The following CTNNA3 variants were observed in gnomAD, a reference collection of about 807,000 sequenced individuals.
CTNNA3 encodes the protein catenin alpha-3.
In CTNNA3, 76 loss-of-function variants were observed where a neutral mutation model predicts 95.7. That is an observed-to-expected ratio of 0.79 (90% CI 0.66 to 0.96). The LOEUF (loss-of-function observed/expected upper bound fraction) is 0.96. Ranked by LOEUF, CTNNA3 falls within the 40% of genes least tolerant of loss-of-function variation. The pLI is 0.00. For synonymous variants in CTNNA3, 431 were observed against 374.4 expected (o/e 1.15, Z -1.74); for missense variants, 1,191 against 1,089.8 (o/e 1.09, Z -1.31).
intron 11 of CTNNA3, among the ~76,000 whole-genome samples, chr10:66,396,772 G>A (rs2092981270): frequency 6.6e-6 from 1 of 151,782 alleles, no homozygotes; most frequent in Non-Finnish European, 1.5e-5. Context: ...TAATAAAGAA[G>A]ATGCTTTTCT....
chr10:66,057,462 A>C (rs2080109896), intron 15 of CTNNA3, among the ~76,000 whole-genome samples: 1 of 152,206 alleles, frequency 6.6e-6, no homozygotes, highest in African/African-American at 2.4e-5. Flanking sequence ...CTAAGATCTT[A>C]TTTAAGCTGA....
intron 9 of CTNNA3, among the ~76,000 whole-genome samples, chr10:66,735,732 T>C (rs1357760510): frequency 6.6e-6 from 1 of 152,300 alleles, no homozygotes; most frequent in East Asian, 1.9e-4. Flanking sequence ...ACTTTTTTAA[T>C]TGAAGAGGAT....
chr10:66,294,384 C>G (rs1392620082), intron 12 of CTNNA3, among the ~76,000 whole-genome samples: 1 of 152,074 alleles, frequency 6.6e-6, no homozygotes, highest in Non-Finnish European at 1.5e-5. Flanking sequence ...TGTGAGTTCC[C>G]ACACTCAATC....
chr10:66,437,327 A>G (rs1052141837), intron 11 of CTNNA3, among the ~76,000 whole-genome samples: 3 of 152,142 alleles, frequency 2.0e-5, no homozygotes, highest in African/African-American at 7.2e-5. Flanking sequence ...AGGTACACCA[A>G]TCAAAAAAGT....
At chr10:66,092,309 C>A (rs764224186) in intron 14 of CTNNA3, among the ~76,000 whole-genome samples, 1 of 151,934 alleles carries the variant, frequency 6.6e-6, no homozygotes, top group South Asian at 2.1e-4. Flanking sequence ...ATTTTCAACA[C>A]AGCATTCAGA....
At chr10:67,378,919 G>A (rs1486265504) in intron 5 of CTNNA3, among the ~76,000 whole-genome samples, 6 of 152,118 alleles carry the variant, frequency 3.9e-5, no homozygotes, top group African/African-American at 1.4e-4. Context: ...GAACAATTAT[G>A]AGATACATGT....
chr10:66,086,667 A>T (rs1319474815), intron 14 of CTNNA3, among the ~76,000 whole-genome samples: 1 of 152,036 alleles, frequency 6.6e-6, no homozygotes, highest in Non-Finnish European at 1.5e-5. Context: ...TTTAACCTCA[A>T]AATTAGGAAG....
intron 13 of CTNNA3, among the ~76,000 whole-genome samples, chr10:66,135,750 G>T (rs1369180510): frequency 6.6e-6 from 1 of 152,162 alleles, no homozygotes; most frequent in Non-Finnish European, 1.5e-5. Context: ...CCTTTACTAA[G>T]TAAAACCTAT....
At chr10:67,564,683 A>G (rs1174819455) in intron 3 of CTNNA3, among the ~76,000 whole-genome samples, 1,181 of 62,496 alleles carry the variant, frequency 0.019, 10 homozygotes, top group East Asian at 0.055. Context: ...GTGTGTATAT[A>G]TATATATATA....
At chr10:66,806,183 T>G (rs1213583256) in intron 7 of CTNNA3, among the ~76,000 whole-genome samples, 1 of 151,862 alleles carries the variant, frequency 6.6e-6, no homozygotes, top group Non-Finnish European at 1.5e-5. Flanking sequence ...TTAAAAAGCA[T>G]TAAATACTGA....
At chr10:66,437,352 T>A (rs140655592) in intron 11 of CTNNA3, among the ~76,000 whole-genome samples, 1,678 of 152,318 alleles carry the variant, frequency 0.011, 19 homozygotes, top group Non-Finnish European at 0.017. Flanking sequence ...TCTTTTCACA[T>A]AGTCTCATAT....
rs577827228 is a variant in CTNNA3 at position 67,214,764 on chromosome 10, A to G, written c.843+4843T>C. Among the ~76,000 whole-genome samples the G allele has an allele frequency of 3.2e-4, 48 of 152,134 alleles. No homozygotes were observed. The South Asian group carries it at 3.3e-3, about 11-fold the overall frequency. On this transcript the variant is annotated intron_variant, in intron 6 of 17. Transcript: ENST00000433211. ...TTATTTTCTCTGAGAATGATTTACT[A>G]TCTTGTAACATTCATGTTTAAGAAC...
chr10:67,758,958 G>T (rs1219857602), intron 1 of CTNNA3, among the ~76,000 whole-genome samples: 1 of 152,088 alleles, frequency 6.6e-6, no homozygotes, highest in East Asian at 1.9e-4. Context: ...TTAAGAGACT[G>T]CTTAGGTAGG....
intron 10 of CTNNA3, among the ~76,000 whole-genome samples, chr10:66,596,664 G>A (rs995173132): frequency 2.0e-5 from 3 of 152,026 alleles, no homozygotes; most frequent in South Asian, 2.1e-4. Flanking sequence ...AATCTCCAAC[G>A]GGGCTGACTG....
At chr10:67,459,604 T>G (rs1394701020) in intron 5 of CTNNA3, among the ~76,000 whole-genome samples, 1 of 152,226 alleles carries the variant, frequency 6.6e-6, no homozygotes, top group Non-Finnish European at 1.5e-5. Context: ...CATGACTGTC[T>G]GTGACATGTC....
At chr10:66,230,996 T>C (rs2089559021) in intron 13 of CTNNA3, among the ~76,000 whole-genome samples, 1 of 152,046 alleles carries the variant, frequency 6.6e-6, no homozygotes, top group Admixed American at 6.5e-5. Flanking sequence ...CAGGGAAGAA[T>C]AAACTCAGGT....
At chr10:67,203,638 AC>A (rs1250473679) in intron 6 of CTNNA3, among the ~76,000 whole-genome samples, 3 of 152,174 alleles carry the variant, frequency 2.0e-5, no homozygotes, top group Admixed American at 1.3e-4. Flanking sequence ...GGTTTTTATT[AC>A]ACTTTACCTG....
chr10:67,423,460 A>G (rs2132874079), intron 5 of CTNNA3, among the ~76,000 whole-genome samples: 1 of 152,284 alleles, frequency 6.6e-6, no homozygotes, highest in African/African-American at 2.4e-5. Context: ...TTGCTACCTC[A>G]TAGAGAAGTC....
intron 3 of CTNNA3, among the ~76,000 whole-genome samples, chr10:67,599,548 C>G (rs1843017676): frequency 6.6e-6 from 1 of 151,550 alleles, no homozygotes; most frequent in East Asian, 1.9e-4. Flanking sequence ...TTTCAAAAAA[C>G]AAATGAAAAT....
Sources: gnomAD v4.1 joint callset for allele counts (sites outside exome capture counted in the v4.1 genomes callset) on GRCh38, gnomAD v4.1.1 for gene constraint, MANE v1.5 for transcripts, NCBI Gene and HGNC (gene_info 2026-07-23, HGNC 2026-07-21) for gene names.